The following TRDN variants were observed in gnomAD, a reference collection of about 807,000 sequenced individuals.
TRDN encodes triadin.
TRDN carries 161 observed loss-of-function variants against 149.7 expected under a neutral mutation model. That is an observed-to-expected ratio of 1.08 (90% CI 0.95 to 1.23). TRDN has a LOEUF of 1.23. Ranked by LOEUF, TRDN falls within the 50% of genes most tolerant of loss-of-function variation. The pLI, the probability that TRDN is intolerant of heterozygous loss-of-function variation, is 0.00. For missense variants in TRDN, 896 were observed against 823.5 expected, an observed-to-expected ratio of 1.09 and a Z score of -1.08; for synonymous variants, 294 against 250.5, an observed-to-expected ratio of 1.17 and a Z score of -1.64.
At chr6:123,417,066 T>C (rs1485397706) in intron 12 of TRDN, among the ~76,000 whole-genome samples, 1 of 152,154 alleles carries the variant, frequency 6.6e-6, no homozygotes, top group Admixed American at 6.6e-5. Context: ...AGTGAACAAA[T>C]GAATTAATGA....
At chr6:123,452,504 C>CA (rs61615553) in intron 10 of TRDN, among the ~76,000 whole-genome samples, 1 of 150,342 alleles carries the variant, frequency 6.7e-6, no homozygotes, top group Non-Finnish European at 1.5e-5. Flanking sequence ...ACAATAGTTG[C>CA]AAAAAAAAAA....
chr6:123,348,227 G>T (rs1457181418), intron 21 of TRDN, among the ~76,000 whole-genome samples: 1 of 151,796 alleles, frequency 6.6e-6, no homozygotes, highest in Non-Finnish European at 1.5e-5. Context: ...ATATATCATT[G>T]GTCTATAAAA....
At chr6:123,488,349 C>T (rs911252596) in intron 9 of TRDN, among the ~76,000 whole-genome samples, 2 of 152,142 alleles carry the variant, frequency 1.3e-5, no homozygotes, top group South Asian at 2.1e-4. Context: ...TCTTCACATA[C>T]TTCCCTTTTG....
intron 24 of TRDN, among the ~76,000 whole-genome samples, chr6:123,315,276 T>C (rs952069072): frequency 6.6e-6 from 1 of 151,994 alleles, no homozygotes; most frequent in Non-Finnish European, 1.5e-5. Flanking sequence ...ATTTGTAACT[T>C]TTGATGTAAA....
At chr6:123,371,919 A>G (rs1269259200) in intron 19 of TRDN, among the ~76,000 whole-genome samples, 1 of 152,134 alleles carries the variant, frequency 6.6e-6, no homozygotes, top group East Asian at 1.9e-4. Flanking sequence ...CTGTGATACT[A>G]TTAGTAATTA....
intron 12 of TRDN, among the ~76,000 whole-genome samples, chr6:123,431,172 C>T (rs1397835088): frequency 6.6e-6 from 1 of 152,176 alleles, no homozygotes; most frequent in Non-Finnish European, 1.5e-5. Flanking sequence ...CGCAGATTTA[C>T]AACCTAATCT....
chr6:123,536,883 C>G (rs1274145733), intron 4 of TRDN, among the ~76,000 whole-genome samples: 1 of 150,838 alleles, frequency 6.6e-6, no homozygotes, highest in South Asian at 2.1e-4. Flanking sequence ...GACCCTGTCT[C>G]AAAATAAATA....
At chr6:123,497,103 A>T (rs1778481785) in intron 9 of TRDN, 90 bp downstream of exon 9, 2 of 1,028,254 alleles carry the variant, frequency 1.9e-6, no homozygotes, top group African/African-American at 3.4e-5. Context: ...AATTTTTAAA[A>T]AATGAAAATA....
chr6:123,265,446 G>T, intron 32 of TRDN, 108 bp from the exon 33 acceptor site: 1 of 654,422 alleles, frequency 1.5e-6, no homozygotes, highest in Non-Finnish European at 2.4e-6. Context: ...GTAAAAATAA[G>T]ACTAAACTTA....
At chr6:123,339,831 T>C (rs1423735991) in intron 21 of TRDN, among the ~76,000 whole-genome samples, 1 of 152,202 alleles carries the variant, frequency 6.6e-6, no homozygotes, top group African/African-American at 2.4e-5. Context: ...ATATAATTTG[T>C]CTGTATTGAC....
intron 12 of TRDN, among the ~76,000 whole-genome samples, chr6:123,404,838 G>A (rs1773130778): frequency 6.6e-6 from 1 of 152,128 alleles, no homozygotes; most frequent in Non-Finnish European, 1.5e-5. Flanking sequence ...ATAAATAAAT[G>A]GGCTTCTCAA....
intron 8 of TRDN, among the ~76,000 whole-genome samples, chr6:123,499,942 A>G (rs1055636224): frequency 2.0e-5 from 3 of 151,464 alleles, no homozygotes; most frequent in African/African-American, 7.3e-5. Context: ...TCCCTTTTAT[A>G]TAAAAGACTT....
At chr6:123,477,217 AAAAC>A (rs1777530480) in intron 9 of TRDN, among the ~76,000 whole-genome samples, 2 of 130,518 alleles carry the variant, frequency 1.5e-5, no homozygotes, top group African/African-American at 2.9e-5. Context: ...TTACAAGAAA[AAAAC>A]AAACAACCCC....
intron 21 of TRDN, chr6:123,351,461 C>G (rs1369493295): frequency 1.0e-6 from 1 of 984,178 alleles, no homozygotes; most frequent in Non-Finnish European, 1.2e-6. Context: ...CAAAAAGAAA[C>G]CAACAGAAAC....
intron 24 of TRDN, among the ~76,000 whole-genome samples, chr6:123,280,390 C>T (rs1017223363): frequency 4.6e-5 from 7 of 152,070 alleles, no homozygotes; most frequent in Admixed American, 1.3e-4. Context: ...TCTTTGTCTT[C>T]GGTACCGTGT....
At chr6:123,368,709 A>G (rs1361004220) in intron 19 of TRDN, among the ~76,000 whole-genome samples, 2 of 152,088 alleles carry the variant, frequency 1.3e-5, no homozygotes, top group African/African-American at 4.8e-5. Context: ...ATTTTCCTTT[A>G]CTGCCAGAAT....
At chr6:123,369,853 G>T (rs1246715070) in intron 19 of TRDN, among the ~76,000 whole-genome samples, 1 of 151,792 alleles carries the variant, frequency 6.6e-6, no homozygotes, top group East Asian at 1.9e-4. Context: ...GTATTGCTTC[G>T]ATCTGCTCCC....
chr6:123,224,449 T>C (rs1775281356), intron 38 of TRDN, among the ~76,000 whole-genome samples: 1 of 151,734 alleles, frequency 6.6e-6, no homozygotes, highest in Non-Finnish European at 1.5e-5. Flanking sequence ...CTTTCAAAAA[T>C]CATAATCATT....
intron 1 of TRDN, among the ~76,000 whole-genome samples, chr6:123,623,474 G>A (rs992824991): frequency 6.6e-6 from 1 of 152,016 alleles, no homozygotes; most frequent in Non-Finnish European, 1.5e-5. Context: ...CAAAATTATG[G>A]TGAGAGGTGC....
Sources: allele counts gnomAD v4.1 joint callset (sites outside exome capture counted in the v4.1 genomes callset), GRCh38; gene constraint gnomAD v4.1.1; transcripts MANE v1.5; gene names NCBI Gene and HGNC (gene_info 2026-07-23, HGNC 2026-07-21).